UTRN: variants seen among roughly 807,000 people sequenced by gnomAD.
UTRN encodes the protein utrophin, also known as dystrophin-related protein 1.
In UTRN, 283 loss-of-function variants were observed where a neutral mutation model predicts 463.9. The observed-to-expected ratio is 0.61, with a 90% CI of 0.55 to 0.67. The LOEUF is 0.67. UTRN is among the 30% of genes least tolerant of loss of function. The pLI is 0.00. For missense variants in UTRN, 3,922 were observed against 4,084.3 expected (o/e 0.96, Z 1.08); for synonymous variants, 1,442 against 1,431.5 (o/e 1.01, Z -0.17).
At chr6:144,691,853 T>C (rs1783451293) in intron 52 of UTRN, among the ~76,000 whole-genome samples, 1 of 152,204 alleles carries the variant, frequency 6.6e-6, no homozygotes, top group African/African-American at 2.4e-5. Context: ...TTTTATTTTA[T>C]TTTTTAATTA....
intron 41 of UTRN, among the ~76,000 whole-genome samples, chr6:144,523,729 GT>G (rs1796327192): frequency 6.6e-6 from 1 of 152,114 alleles, no homozygotes. Context: ...CTAATTTTTA[GT>G]GTCTAAATAG....
At chr6:144,476,799 A>G (rs2128571008) in intron 25 of UTRN, among the ~76,000 whole-genome samples, 1 of 152,286 alleles carries the variant, frequency 6.6e-6, no homozygotes, top group Non-Finnish European at 1.5e-5. Flanking sequence ...TGGTGGGAAA[A>G]AAGTCATAGT....
intron 2 of UTRN, among the ~76,000 whole-genome samples, chr6:144,314,187 T>C (rs1775128832): frequency 6.6e-6 from 1 of 151,768 alleles, no homozygotes; most frequent in Non-Finnish European, 1.5e-5. Flanking sequence ...GCGTTGGGAA[T>C]AAAAACTAAG....
intron 51 of UTRN, among the ~76,000 whole-genome samples, chr6:144,608,677 G>T (rs1193241082): frequency 6.6e-6 from 1 of 152,108 alleles, no homozygotes; most frequent in African/African-American, 2.4e-5. Flanking sequence ...CGCCATTTTG[G>T]GTCCCTTTGT....
Position 144,476,343 on chromosome 6 carries a change from G to C in UTRN, c.3336+1584G>C, listed in dbSNP as rs1349586297. On this transcript the variant is annotated intron_variant, in intron 25 of 74. Coordinates refer to ENST00000367545, the MANE Select transcript of UTRN (RefSeq NM_007124.3). ...TATAAGGTTACTGCAGGCTTGGAGA[G>C]AGAGGATGGACCCATACACTAGGGA... is the stretch of plus-strand genomic sequence containing the variant. 2.6e-5 allele frequency among the ~76,000 whole-genome samples: 4 copies of C among 151,948 alleles called. No homozygotes were observed. The East Asian group carries it at 7.9e-4, about 30-fold the overall frequency.
At chr6:144,494,877 A>G (rs1335094768) in intron 33 of UTRN, among the ~76,000 whole-genome samples, 1 of 151,970 alleles carries the variant, frequency 6.6e-6, no homozygotes, top group Non-Finnish European at 1.5e-5. Context: ...TTAGCTAGAC[A>G]TAAAGGTTCT....
chr6:144,835,717 T>G, intron 69 of UTRN, 63 bp from the exon 70 acceptor site: 1 of 1,595,640 alleles, frequency 6.3e-7, no homozygotes, highest in East Asian at 2.2e-5. Context: ...TCTACTTCCT[T>G]TATGTCCAAA....
intron 2 of UTRN, among the ~76,000 whole-genome samples, chr6:144,350,308 G>C (rs1047331132): frequency 3.4e-4 from 51 of 151,194 alleles, no homozygotes; most frequent in African/African-American, 1.2e-3. Flanking sequence ...GTAGAAAACT[G>C]TCATTTCCTT....
At chr6:144,590,113 G>A (rs1052952071) in intron 51 of UTRN, among the ~76,000 whole-genome samples, 1 of 151,922 alleles carries the variant, frequency 6.6e-6, no homozygotes, top group East Asian at 1.9e-4. Flanking sequence ...TGCCTGCCTC[G>A]GCCTTCCAAA....
intron 14 of UTRN, among the ~76,000 whole-genome samples, chr6:144,445,558 T>C (rs1000557799): frequency 2.7e-5 from 4 of 146,570 alleles, no homozygotes; most frequent in African/African-American, 8.0e-5. Flanking sequence ...TAATGACTAC[T>C]TCCCCCCCCG....
intron 56 of UTRN, among the ~76,000 whole-genome samples, chr6:144,753,915 G>A (rs956095138): frequency 3.3e-5 from 5 of 151,814 alleles, no homozygotes; most frequent in Non-Finnish European, 5.9e-5. Context: ...AAAAAAATAC[G>A]AAGAGTACAT....
At chr6:144,805,523 G>C (rs1317317732) in intron 65 of UTRN, among the ~76,000 whole-genome samples, 1 of 152,178 alleles carries the variant, frequency 6.6e-6, no homozygotes, top group Non-Finnish European at 1.5e-5. Flanking sequence ...GTCTGAGTTG[G>C]GAAAAAGGTT....
At chr6:144,717,240 A>G (rs1342065261) in intron 53 of UTRN, among the ~76,000 whole-genome samples, 2 of 152,226 alleles carry the variant, frequency 1.3e-5, no homozygotes, top group African/African-American at 2.4e-5. Context: ...TTTAGAAAAC[A>G]GTTTTGGAAT....
At chr6:144,670,138 GA>G (rs1448524431) in intron 51 of UTRN, among the ~76,000 whole-genome samples, 2 of 152,038 alleles carry the variant, frequency 1.3e-5, no homozygotes, top group Non-Finnish European at 2.9e-5. Context: ...CTTCTGGGAA[GA>G]TACCCAAGTA....
At chr6:144,805,905 A>G (rs2128748292) in intron 65 of UTRN, among the ~76,000 whole-genome samples, 1 of 152,310 alleles carries the variant, frequency 6.6e-6, no homozygotes, top group African/African-American at 2.4e-5. Context: ...AGATGGAATT[A>G]AAAAGAAAGG....
chr6:144,720,924 T>G (rs373052811), intron 53 of UTRN, among the ~76,000 whole-genome samples: 1 of 152,224 alleles, frequency 6.6e-6, no homozygotes, highest in Non-Finnish European at 1.5e-5. Flanking sequence ...AAGATTGAGT[T>G]TATAGCTGAT....
At chr6:144,602,325 G>A (rs1804341015) in intron 51 of UTRN, among the ~76,000 whole-genome samples, 1 of 151,362 alleles carries the variant, frequency 6.6e-6, no homozygotes, top group Non-Finnish European at 1.5e-5. Context: ...TTTTAGTAGA[G>A]ATGGGGTTTC....
intron 49 of UTRN, among the ~76,000 whole-genome samples, chr6:144,555,555 C>T (rs1379906465): frequency 2.6e-5 from 4 of 152,204 alleles, no homozygotes; most frequent in African/African-American, 9.7e-5. Context: ...CTCAGCCTTC[C>T]AAGTAGCTGG....
intron 42 of UTRN, among the ~76,000 whole-genome samples, chr6:144,531,787 G>A (rs1371771332): frequency 2.6e-5 from 4 of 152,082 alleles, no homozygotes; most frequent in Non-Finnish European, 4.4e-5. Context: ...TTTTTTAAAT[G>A]TATTTTATTT....
Sources: allele counts gnomAD v4.1 joint callset (sites outside exome capture counted in the v4.1 genomes callset), GRCh38; gene constraint gnomAD v4.1.1; transcripts MANE v1.5; gene names NCBI Gene and HGNC (gene_info 2026-07-23, HGNC 2026-07-21).